DNAH9: variants seen among roughly 807,000 people sequenced by gnomAD.
DNAH9 encodes the protein dynein axonemal heavy chain 9.
In DNAH9, 345 loss-of-function variants were observed where a neutral mutation model predicts 471.6. That is an observed-to-expected ratio of 0.73 (90% confidence interval 0.67 to 0.80). The LOEUF is 0.80. DNAH9 is among the 30% of genes least tolerant of loss of function. The pLI is 0.00. For synonymous variants in DNAH9, 2,093 were observed against 2,123.6 expected, an observed-to-expected ratio of 0.99 and a Z score of 0.40; for missense variants, 5,407 against 5,609.2, an observed-to-expected ratio of 0.96 and a Z score of 1.15.
chr17:11,821,411 G>A (rs147142128), intron 45 of DNAH9, among the ~76,000 whole-genome samples: 1 of 151,854 alleles, frequency 6.6e-6, no homozygotes, highest in East Asian at 1.9e-4. Flanking sequence ...TGCTTATCAT[G>A]TACTAAATTC....
chr17:11,715,779 G>A (rs1472248912), intron 26 of DNAH9, among the ~76,000 whole-genome samples: 1 of 152,214 alleles, frequency 6.6e-6, no homozygotes, highest in Non-Finnish European at 1.5e-5. Flanking sequence ...GTACAAAGAA[G>A]TTTAAATAAC....
intron 67 of DNAH9, among the ~76,000 whole-genome samples, chr17:11,956,211 A>G (rs1427772483): frequency 6.6e-6 from 1 of 151,824 alleles, no homozygotes; most frequent in African/African-American, 2.4e-5. Flanking sequence ...TAAAAATCAA[A>G]CTAACTATAT....
At chr17:11,775,591 T>C (rs1968386470) in intron 38 of DNAH9, among the ~76,000 whole-genome samples, 1 of 144,814 alleles carries the variant, frequency 6.9e-6, no homozygotes, top group South Asian at 2.2e-4. Flanking sequence ...CAAAATCAGA[T>C]GTTCTTTTTT....
At chr17:11,863,265 T>C (rs1457906577) in intron 50 of DNAH9, among the ~76,000 whole-genome samples, 1 of 152,218 alleles carries the variant, frequency 6.6e-6, no homozygotes, top group Non-Finnish European at 1.5e-5. Flanking sequence ...CTTTTCTGCA[T>C]CTATTAAGAT....
intron 62 of DNAH9, 58 bp downstream of exon 62, chr17:11,923,999 T>A (rs1597832475): frequency 6.3e-7 from 1 of 1,583,140 alleles, no homozygotes; most frequent in Non-Finnish European, 8.6e-7. Flanking sequence ...CATCCCACAC[T>A]CACTGGGCAT....
At position 11,627,701 on chromosome 17, in the gene DNAH9, C is replaced by A. The variant is rs188468428; in HGVS notation, c.1351-1716C>A. 8.5e-5 allele frequency among the ~76,000 whole-genome samples: 13 copies of A among 152,310 alleles called. No individual in the cohort carries two copies. In the East Asian group the frequency reaches 2.5e-3, roughly 29 times the overall value. On this transcript the variant is annotated intron_variant, in intron 6 of 68. Transcript: ENST00000262442. ...CTGGTTTTGGCATCTGTCTTCCCTG[C>A]CTTGGCTGGTGTCTTCCCTCTTCTC...
intron 53 of DNAH9, among the ~76,000 whole-genome samples, chr17:11,877,689 A>G (rs1361904201): frequency 1.3e-5 from 2 of 152,052 alleles, no homozygotes; most frequent in Non-Finnish European, 2.9e-5. Flanking sequence ...ATAATAGTTA[A>G]CCAAGTCAAA....
chr17:11,894,591 A>G, intron 59 of DNAH9, 95 bp downstream of exon 59: 1 of 1,513,992 alleles, frequency 6.6e-7, no homozygotes, highest in Non-Finnish European at 9.0e-7. Context: ...TCTCTGTTGG[A>G]GTTCAAGCAT....
chr17:11,652,279 G>C (rs2073524969), intron 13 of DNAH9, among the ~76,000 whole-genome samples: 1 of 72,952 alleles, frequency 1.4e-5, no homozygotes, highest in Non-Finnish European at 2.6e-5. Flanking sequence ...GTAAGGGTAG[G>C]CTTTTTTTTT....
intron 49 of DNAH9, among the ~76,000 whole-genome samples, chr17:11,848,810 C>G (rs1597729664): frequency 6.6e-6 from 1 of 151,816 alleles, no homozygotes; most frequent in Admixed American, 6.6e-5. Context: ...TAAAAATCCT[C>G]TCTAGAAGAA....
At chr17:11,899,195 T>A (rs58636186) in intron 59 of DNAH9, among the ~76,000 whole-genome samples, 92,229 of 151,102 alleles carry the variant, frequency 0.61, 30,465 homozygotes, top group Middle Eastern at 0.75. Flanking sequence ...AAAAAAAAAA[T>A]TTAAGCATTG....
intron 62 of DNAH9, among the ~76,000 whole-genome samples, chr17:11,927,833 A>G (rs1057442013): frequency 6.6e-6 from 1 of 152,162 alleles, no homozygotes; most frequent in Non-Finnish European, 1.5e-5. Flanking sequence ...AATCCACCCC[A>G]GGGTTCTATA....
intron 49 of DNAH9, among the ~76,000 whole-genome samples, chr17:11,838,522 G>C (rs1315358878): frequency 6.6e-6 from 1 of 152,186 alleles, no homozygotes; most frequent in Non-Finnish European, 1.5e-5. Context: ...TTACTAGATG[G>C]AGAAGGTGGT....
intron 65 of DNAH9, among the ~76,000 whole-genome samples, chr17:11,935,010 C>G (rs1974659463): frequency 6.6e-6 from 1 of 152,122 alleles, no homozygotes; most frequent in Non-Finnish European, 1.5e-5. Context: ...GTCACCCAGG[C>G]TGGAATACAG....
chr17:11,812,056 C>CATATATATATACAT (rs371646004), intron 45 of DNAH9, among the ~76,000 whole-genome samples: 1 of 63,404 alleles, frequency 1.6e-5, no homozygotes, highest in Non-Finnish European at 2.9e-5. Context: ...TATATATATA[C>CATATATATATACAT]ACATACATAC....
At chr17:11,836,342 T>C (rs907006109) in intron 49 of DNAH9, among the ~76,000 whole-genome samples, 6 of 152,216 alleles carry the variant, frequency 3.9e-5, no homozygotes, top group African/African-American at 1.4e-4. Context: ...TAGATGGTTA[T>C]AATAAAATTA....
chr17:11,598,484 T>C lies in DNAH9; in HGVS notation c.-15T>C, dbSNP rs2072304155. On this transcript the variant is annotated 5_prime_UTR_variant, in exon 1 of 69. Coordinates refer to ENST00000262442, the MANE Select transcript of DNAH9 (RefSeq NM_001372.4). ...CCGTCGCTAGGGAAACCGATGCAGC[T>C]GGAGGCCGCGCGCGATGCGGCTCGC... The C allele has an allele frequency of 3.7e-6, 5 of 1,358,960 alleles. No individual in the cohort carries two copies. The highest frequency in any genetic ancestry group is 2.8e-6 in the Non-Finnish European group (3 of 1,063,360). 84.2% of individuals were successfully genotyped at this position (1,358,960 alleles called of 1,614,324 possible).
At chr17:11,686,248 T>C (rs1340308263) in intron 19 of DNAH9, among the ~76,000 whole-genome samples, 1 of 152,178 alleles carries the variant, frequency 6.6e-6, no homozygotes, top group African/African-American at 2.4e-5. Context: ...GGCTCACATC[T>C]GGGTCAGGCC....
intron 60 of DNAH9, among the ~76,000 whole-genome samples, chr17:11,903,560 C>T (rs568794326): frequency 6.6e-6 from 1 of 152,120 alleles, no homozygotes; most frequent in South Asian, 2.1e-4. Flanking sequence ...AAGTTGTAGG[C>T]CGTGGAGTCT....
Sources: gnomAD v4.1 joint callset for allele counts (sites outside exome capture counted in the v4.1 genomes callset) on GRCh38, gnomAD v4.1.1 for gene constraint, MANE v1.5 for transcripts, NCBI Gene and HGNC (gene_info 2026-07-23, HGNC 2026-07-21) for gene names.